The following SAAL1 variants were observed in gnomAD, a reference collection of about 807,000 sequenced individuals.
SAAL1 encodes the protein protein SAAL1.
SAAL1 carries 42 observed loss-of-function variants against 59.8 expected under a neutral mutation model. That is an observed-to-expected ratio of 0.70 (90% CI 0.55 to 0.91). The LOEUF is 0.91. SAAL1 is among the 40% of genes least tolerant of loss of function. SAAL1 has a pLI of 0.00. For synonymous variants in SAAL1, 191 were observed against 194.3 expected, an observed-to-expected ratio of 0.98 and a Z score of 0.14; for missense variants, 542 against 561.1, an observed-to-expected ratio of 0.97 and a Z score of 0.34.
intron 3 of SAAL1, among the ~76,000 whole-genome samples, chr11:18,096,274 A>G (rs10832882): frequency 0.18 from 27,711 of 151,596 alleles, 3,139 homozygotes; most frequent in Non-Finnish European, 0.25. Context: ...TTATTAAATT[A>G]TTAATAATTT....
chr11:18,093,988 G>A (rs1214330273), intron 3 of SAAL1: 1 of 152,156 alleles, frequency 6.6e-6, no homozygotes, highest in East Asian at 1.9e-4. Context: ...GTGCATAAAA[G>A]GCTACAATGA....
chr11:18,101,343 T>C (rs1380026205), intron 2 of SAAL1, among the ~76,000 whole-genome samples: 1 of 152,194 alleles, frequency 6.6e-6, no homozygotes, highest in African/African-American at 2.4e-5. Context: ...AATCCCCACG[T>C]ATCAAGGGCA....
In SAAL1 at chr11:18,089,467, A is replaced by G. The variant is rs1008374945; in HGVS notation, c.633T>C (p.Phe211=). The G allele has an allele frequency of 6.2e-7, 1 of 1,612,692 alleles. No homozygotes were observed. Among genetic ancestry groups the G allele is most frequent in the African/African-American group, 1.3e-5 (1 of 74,960 alleles). Residue 211 remains phenylalanine, a synonymous_variant, in exon 7 of 12, where the codon TTT becomes TTC. Transcript: ENST00000524803. The part of the protein sequence containing the change: ...VKVGEVVDKL[F]DLDEKLMLEW... ...CTAACATTAGTTTCTCATCCAAATC[A>G]AAGAGCTTGTCCACAACCTCCCCCA...
chr11:18,091,900 C>T (rs1265893416), intron 4 of SAAL1, among the ~76,000 whole-genome samples: 1 of 152,276 alleles, frequency 6.6e-6, no homozygotes, highest in East Asian at 1.9e-4. Flanking sequence ...TCTGTAGACT[C>T]CAGCTGAGTC....
intron 6 of SAAL1, among the ~76,000 whole-genome samples, 177 bp downstream of exon 6, chr11:18,089,998 T>A (rs1040809279): frequency 6.6e-6 from 1 of 152,184 alleles, no homozygotes; most frequent in African/African-American, 2.4e-5. Flanking sequence ...TAGTAGGCTA[T>A]GATCACACTA....
At chr11:18,096,281 A>G (rs571650237) in intron 3 of SAAL1, among the ~76,000 whole-genome samples, 38 of 151,644 alleles carry the variant, frequency 2.5e-4, no homozygotes, top group Non-Finnish European at 5.2e-4. Context: ...ATTATTAATA[A>G]TTTAATATTT....
rs762660229 is a variant in SAAL1, at chr11:18,081,472, T to C, written c.1271A>G (p.Gln424Arg). Residue 424 changes from glutamine to arginine, a missense_variant, in exon 11 of 12, where the codon CAG becomes CGG. Physicochemically the swap from Gln to Arg is conservative, Grantham distance 43 (BLOSUM62 1). Coordinates refer to ENST00000524803, the MANE Select transcript of SAAL1 (RefSeq NM_138421.3). ...AGAGGAACACTTCTGTTTGCTCAAC[T>C]GGCCTTCCTTTACTCCCTGAGCCAC... is the stretch of plus-strand genomic sequence containing the variant. ...ETVAQGVKEGQLSKQKCSSAF... is the reference protein window; with the variant it reads ...ETVAQGVKEGRLSKQKCSSAF... 14 of 1,614,094 alleles carry C rather than the reference T, an allele frequency of 8.7e-6. No homozygotes were observed. Among genetic ancestry groups the C allele is most frequent in the Non-Finnish European group, 1.2e-5 (14 of 1,179,968 alleles).
At chr11:18,097,132 G>A (rs61882526) in intron 2 of SAAL1, among the ~76,000 whole-genome samples, 35,110 of 151,938 alleles carry the variant, frequency 0.23, 5,720 homozygotes, top group African/African-American at 0.46. Flanking sequence ...AGCTACTCAG[G>A]AGGCTGAGGC....
At position 18,105,887 on chromosome 11, in the gene SAAL1, C is replaced by G; in HGVS notation, c.135+20G>C. ...CTGGGGGATGTAGGGACACCCCACGCGTGGCGCGAGTTTCCACACCTGGAT... is the reference window on the plus strand; with the variant it reads ...CTGGGGGATGTAGGGACACCCCACGGGTGGCGCGAGTTTCCACACCTGGAT... On this transcript the variant is annotated intron_variant, in intron 1 of 11. Transcript: ENST00000524803. 6.3e-7 allele frequency: 1 copy of G among 1,577,610 alleles called. No individual in the cohort carries two copies. Among genetic ancestry groups the G allele is most frequent in the African/African-American group, 1.3e-5 (1 of 74,278 alleles).
Position 18,086,853 on chromosome 11 carries a change from A to C in SAAL1, c.1042+13T>G, listed in dbSNP as rs1445144645. 2.6e-6 allele frequency: 4 copies of C among 1,517,020 alleles called. No homozygotes were observed. Among genetic ancestry groups the C allele is most frequent in the Non-Finnish European group, 8.9e-7 (1 of 1,125,164 alleles). The allele number at this position is 1,517,020 out of a possible 1,614,324, so 94.0% of individuals were successfully genotyped here. ...AAATGAAAAACAGTATGAGCCTGGG[A>C]AACTGTACTTGCCTTTTTCTATCTT... On this transcript the variant is annotated intron_variant, in intron 9 of 11. Coordinates refer to ENST00000524803, the MANE Select transcript of SAAL1 (RefSeq NM_138421.3).
Position 18,106,057 on chromosome 11 carries a change from C to T in SAAL1, c.-16G>A. 1 of 1,593,574 alleles carries T rather than the reference C, an allele frequency of 6.3e-7. No homozygotes were observed. The highest frequency in any genetic ancestry group is 8.5e-7 in the Non-Finnish European group (1 of 1,175,676). ...TGCGGTCCATGACTTTGTCGCGTCC[C>T]GCGCTTGAAGGCCGTGCCGGAAGCT... On this transcript the variant is annotated 5_prime_UTR_variant, in exon 1 of 12. Coordinates refer to ENST00000524803, the MANE Select transcript of SAAL1 (RefSeq NM_138421.3).
intron 10 of SAAL1, among the ~76,000 whole-genome samples, chr11:18,081,979 C>G (rs140067941): frequency 6.6e-6 from 1 of 152,294 alleles, no homozygotes; most frequent in African/African-American, 2.4e-5. Flanking sequence ...TTGGAGTAAT[C>G]TTTCTAAACT....
At chr11:18,104,667 G>A (rs1848669567) in intron 1 of SAAL1, among the ~76,000 whole-genome samples, 1 of 152,138 alleles carries the variant, frequency 6.6e-6, no homozygotes. Flanking sequence ...TGAAGAAGGA[G>A]AGAAGTGAGT....
intron 11 of SAAL1, 36 bp from the exon 12 acceptor site, chr11:18,080,527 G>A: frequency 1.4e-6 from 2 of 1,442,276 alleles, no homozygotes; most frequent in East Asian, 2.3e-5. Flanking sequence ...ATCAAACACA[G>A]AAGAGAAAAA....
intron 1 of SAAL1, 50 bp downstream of exon 1, chr11:18,105,856 CG>C (rs1408156928): frequency 6.6e-7 from 1 of 1,504,258 alleles, no homozygotes; most frequent in Non-Finnish European, 8.8e-7. Context: ...GGCGGAGCCC[CG>C]GTGCCTGGGG....
chr11:18,102,575 T>TG (rs139770133), intron 2 of SAAL1, among the ~76,000 whole-genome samples: 3,460 of 152,064 alleles, frequency 0.023, 151 homozygotes, highest in African/African-American at 0.081. Context: ...GTAACACGGG[T>TG]GGCAATGTAG....
rs200888592 is a variant in SAAL1, at chr11:18,090,153, T to TC, written c.589+21dup. The TC allele has an allele frequency of 2.4e-5, 37 of 1,554,972 alleles. No individual in the cohort carries two copies. In the African/African-American group the frequency reaches 4.8e-4, roughly 20 times the overall value. ...TAGATACAATTTAAAACATTTTTTT[T>TC]CTAGAGTACATGATGACTTACCATT... is the stretch of plus-strand genomic sequence containing the variant. On this transcript the variant is annotated intron_variant, in intron 6 of 11. Coordinates refer to ENST00000524803, the MANE Select transcript of SAAL1 (RefSeq NM_138421.3).
In SAAL1 at chr11:18,084,134, C is replaced by T. The variant is rs11024471; in HGVS notation, c.1043-403G>A. On this transcript the variant is annotated intron_variant, in intron 9 of 11. Transcript: ENST00000524803. ...GGCGGGTAGCTTGAGCCCAGGAGTT[C>T]GAGACCAGCCTGAGCAATATGGTGA... 5.7e-4 allele frequency among the ~76,000 whole-genome samples: 87 copies of T among 152,170 alleles called. No individual in the cohort carries two copies. The East Asian group carries it at 7.7e-3, about 14-fold the overall frequency.
intron 4 of SAAL1, 172 bp from the exon 5 acceptor site, chr11:18,090,665 C>T: frequency 1.5e-6 from 1 of 664,748 alleles, no homozygotes; most frequent in Non-Finnish European, 2.4e-6. Flanking sequence ...ACTCGTGTTT[C>T]CAAGAAACAG....
Sources: allele counts gnomAD v4.1 joint callset (sites outside exome capture counted in the v4.1 genomes callset), GRCh38; gene constraint gnomAD v4.1.1; transcripts MANE v1.5; gene names NCBI Gene and HGNC (gene_info 2026-07-23, HGNC 2026-07-21).